SH3RF1: variants seen among roughly 807,000 people sequenced by gnomAD.
SH3RF1 encodes the protein SH3 domain containing ring finger 1, also known as E3 ubiquitin-protein ligase SH3RF1.
Under a neutral mutation model 74.0 loss-of-function variants are expected in SH3RF1, and 32 were observed. That is an observed-to-expected ratio of 0.43 (90% CI 0.33 to 0.58). SH3RF1 has a LOEUF of 0.58. Among genes scored for constraint, SH3RF1 ranks in the 20% least tolerant of loss-of-function variants. The pLI is 0.05. For synonymous variants in SH3RF1, 396 were observed against 439.6 expected, an observed-to-expected ratio of 0.90 and a Z score of 1.24; for missense variants, 954 against 1,130.9, an observed-to-expected ratio of 0.84 and a Z score of 2.24.
intron 4 of SH3RF1, among the ~76,000 whole-genome samples, chr4:169,154,479 T>G (rs1403891936): frequency 3.9e-5 from 6 of 152,138 alleles, no homozygotes; most frequent in Non-Finnish European, 8.8e-5. Flanking sequence ...GTTTTTCAGT[T>G]TTACATGCTT....
chr4:169,158,161 G>A (rs1275806309), intron 2 of SH3RF1, among the ~76,000 whole-genome samples: 3 of 152,186 alleles, frequency 2.0e-5, no homozygotes, highest in African/African-American at 4.8e-5. Context: ...TAATGATAAA[G>A]ATATGCACAC....
chr4:169,260,248 G>A (rs1731255918), intron 2 of SH3RF1, among the ~76,000 whole-genome samples: 1 of 152,160 alleles, frequency 6.6e-6, no homozygotes, highest in Non-Finnish European at 1.5e-5. Flanking sequence ...TTGCTTTTCT[G>A]AGACCAGAGA....
chr4:169,193,689 G>C (rs149903538), intron 2 of SH3RF1, among the ~76,000 whole-genome samples: 2 of 152,154 alleles, frequency 1.3e-5, no homozygotes, highest in African/African-American at 4.8e-5. Context: ...TAATAAGGAG[G>C]TAAGGTCTCA....
intron 4 of SH3RF1, among the ~76,000 whole-genome samples, chr4:169,149,732 A>T (rs974772088): frequency 5.3e-5 from 8 of 152,218 alleles, no homozygotes; most frequent in African/African-American, 1.9e-4. Context: ...TTAAAGGAAA[A>T]TAATACATCT....
At chr4:169,238,225 C>A (rs1218698294) in intron 2 of SH3RF1, among the ~76,000 whole-genome samples, 1 of 152,188 alleles carries the variant, frequency 6.6e-6, no homozygotes, top group East Asian at 1.9e-4. Context: ...CATATCCAAG[C>A]TTGGTCAGAA....
intron 2 of SH3RF1, among the ~76,000 whole-genome samples, chr4:169,198,212 G>T (rs1734852372): frequency 2.6e-5 from 4 of 152,118 alleles, no homozygotes; most frequent in Admixed American, 2.6e-4. Context: ...TCACAAATTG[G>T]TTTTCAGGTT....
intron 2 of SH3RF1, among the ~76,000 whole-genome samples, chr4:169,227,628 G>T (rs140768319): frequency 1.3e-5 from 2 of 152,128 alleles, no homozygotes; most frequent in African/African-American, 4.8e-5. Flanking sequence ...TAACATCTAT[G>T]CATTATTTAT....
intron 2 of SH3RF1, among the ~76,000 whole-genome samples, chr4:169,264,756 G>A (rs555676846): frequency 7.2e-5 from 11 of 152,132 alleles, no homozygotes; most frequent in African/African-American, 1.9e-4. Context: ...TTCACCCTAC[G>A]TGGCCCTTGG....
chr4:169,255,766 A>C (rs1487127950), intron 2 of SH3RF1, among the ~76,000 whole-genome samples: 1 of 151,048 alleles, frequency 6.6e-6, no homozygotes, highest in African/African-American at 2.4e-5. Context: ...TCCTAACATT[A>C]CTTTTTTTTT....
chr4:169,214,679 A>ATG (rs1730434842), intron 2 of SH3RF1, among the ~76,000 whole-genome samples: 1 of 152,126 alleles, frequency 6.6e-6, no homozygotes, highest in Admixed American at 6.6e-5. Flanking sequence ...GTCCATATAT[A>ATG]TGTGTATATA....
chr4:169,177,655 G>A (rs932834427), intron 2 of SH3RF1, among the ~76,000 whole-genome samples: 9 of 152,160 alleles, frequency 5.9e-5, no homozygotes, highest in African/African-American at 2.2e-4. Flanking sequence ...TCAACTATGT[G>A]TTAACTGTCT....
intron 2 of SH3RF1, among the ~76,000 whole-genome samples, chr4:169,226,156 T>C (rs1730650989): frequency 6.6e-6 from 1 of 152,214 alleles, no homozygotes; most frequent in South Asian, 2.1e-4. Flanking sequence ...TTTTGTTTAG[T>C]GCACTTAATA....
At chr4:169,212,369 T>C (rs1730392086) in intron 2 of SH3RF1, among the ~76,000 whole-genome samples, 1 of 152,150 alleles carries the variant, frequency 6.6e-6, no homozygotes, top group African/African-American at 2.4e-5. Context: ...TGGACTATTT[T>C]CTAATTTCTA....
chr4:169,096,496 A>G lies in SH3RF1; in HGVS notation c.*23T>C, dbSNP rs760038158. 1 of 1,607,598 alleles carries G rather than the reference A, an allele frequency of 6.2e-7. No homozygotes were observed. Among genetic ancestry groups the G allele is most frequent in the Non-Finnish European group, 8.5e-7 (1 of 1,177,240 alleles). ...CTACTTTGTTGTGTGAAGTGATTTTAAGCTTCTTCAGTGTCAGTCTCCTCA... is the reference window on the plus strand; with the variant it reads ...CTACTTTGTTGTGTGAAGTGATTTTGAGCTTCTTCAGTGTCAGTCTCCTCA... On this transcript the variant is annotated 3_prime_UTR_variant, in exon 12 of 12. Coordinates refer to ENST00000284637, the MANE Select transcript of SH3RF1 (RefSeq NM_020870.4).
At chr4:169,234,536 A>AAT in intron 2 of SH3RF1, among the ~76,000 whole-genome samples, 1 of 152,304 alleles carries the variant, frequency 6.6e-6, no homozygotes, top group East Asian at 1.9e-4. Context: ...ATGATATCCT[A>AAT]ATAGCTGCTT....
chr4:169,173,609 G>A (rs954865656), intron 2 of SH3RF1, among the ~76,000 whole-genome samples: 4 of 152,176 alleles, frequency 2.6e-5, no homozygotes, highest in Non-Finnish European at 5.9e-5. Flanking sequence ...CTGAGGCGCT[G>A]TAGATCCTGG....
chr4:169,108,885 T>C (rs1217480071), intron 10 of SH3RF1, among the ~76,000 whole-genome samples: 1 of 152,096 alleles, frequency 6.6e-6, no homozygotes, highest in Non-Finnish European at 1.5e-5. Context: ...TGGAAGAGGA[T>C]GAAACCAGTG....
Position 169,130,130 on chromosome 4 carries a change from A to T in SH3RF1, c.1095T>A (p.Ile365=), listed in dbSNP as rs1296507244. ...CTGGGCTGCTTGGGGGCGGGGTCAC[A>T]ATTAACCCGGTGGTACTTATATGAA... ...SQVHISTTGL[I]VTPPPSSPVT... is the part of the protein sequence containing the mutation. The change falls in exon 6 of 12, where the codon ATT becomes ATA. Residue 365 remains isoleucine, a synonymous_variant. Transcript: ENST00000284637. 1 of 1,600,698 alleles carries T rather than the reference A, an allele frequency of 6.2e-7. No homozygotes were observed. Among genetic ancestry groups the T allele is most frequent in the Non-Finnish European group, 8.5e-7 (1 of 1,175,854 alleles).
chr4:169,118,110 C>T (rs1733368214), intron 8 of SH3RF1, among the ~76,000 whole-genome samples: 1 of 152,172 alleles, frequency 6.6e-6, no homozygotes, highest in South Asian at 2.1e-4. Flanking sequence ...ATCTACAGAA[C>T]AAGCTAGGAT....
Sources: gnomAD v4.1 joint callset for allele counts (sites outside exome capture counted in the v4.1 genomes callset) on GRCh38, gnomAD v4.1.1 for gene constraint, MANE v1.5 for transcripts, NCBI Gene and HGNC (gene_info 2026-07-23, HGNC 2026-07-21) for gene names.